The following PRKCZ variants were observed in gnomAD, a reference collection of about 807,000 sequenced individuals.
The protein encoded by PRKCZ is protein kinase C zeta type.
In PRKCZ, 33 loss-of-function variants were observed where a neutral mutation model predicts 79.5. That is an observed-to-expected ratio of 0.41 (90% CI 0.31 to 0.55). The LOEUF (loss-of-function observed/expected upper bound fraction) is 0.55. PRKCZ is among the 20% of genes least tolerant of loss of function. The pLI is 0.19. For synonymous variants in PRKCZ, 342 were observed against 320.9 expected, an observed-to-expected ratio of 1.07 and a Z score of -0.70; for missense variants, 578 against 813.5, an observed-to-expected ratio of 0.71 and a Z score of 3.52.
intron 4 of PRKCZ, among the ~76,000 whole-genome samples, chr1:2,130,516 AC>A (rs1301698213): frequency 6.6e-6 from 1 of 152,094 alleles, no homozygotes; most frequent in Non-Finnish European, 1.5e-5. Flanking sequence ...GAGAGACCAA[AC>A]CAATAGGGTG....
Position 2,184,607 on chromosome 1 carries a change from C to T in PRKCZ, c.1600C>T (p.Pro534Ser). 2 of 1,614,014 alleles carry T rather than the reference C, an allele frequency of 1.2e-6. No individual in the cohort carries two copies. Among genetic ancestry groups the T allele is most frequent in the Non-Finnish European group, 1.7e-6 (2 of 1,179,996 alleles). ...DLLEKKQALP[P>S]FQPQITDDYG... is the part of the protein sequence containing the mutation. The stretch of plus-strand genomic sequence containing the variant: ...GCTGGAGAAGAAGCAGGCGCTCCCT[C>T]CATTCCAGCCACAGATCACAGACGA... The change falls in exon 17 of 18, where the codon CCA becomes TCA. Residue 534 changes from proline to serine, a missense_variant. This residue lies in a region of PRKCZ where 243 missense variants were observed against 467.0 expected (regional missense o/e 0.52). Coordinates refer to ENST00000378567, the MANE Select transcript of PRKCZ (RefSeq NM_002744.6).
Position 2,174,700 on chromosome 1 carries a change from C to G in PRKCZ, c.1406-54C>G, listed in dbSNP as rs991730746. 1 of 1,574,978 alleles carries G rather than the reference C, an allele frequency of 6.3e-7. No homozygotes were observed. ...GCTCAGAGTCAGAGTCTGGGCGGCA[C>G]TGGGCAAATGGCACACAACACAGGC... On this transcript the variant is annotated intron_variant, in intron 14 of 17. Coordinates refer to ENST00000378567, the MANE Select transcript of PRKCZ (RefSeq NM_002744.6). This position sits in a 1 kb window ranked among gnomAD's most constrained non-coding sequence, Gnocchi z 6.2.
intron 16 of PRKCZ, among the ~76,000 whole-genome samples, chr1:2,175,644 C>T (rs1557744257): frequency 6.6e-6 from 1 of 151,780 alleles, no homozygotes; most frequent in Non-Finnish European, 1.5e-5. Context: ...TGAGCTCGCG[C>T]ACCGCCGGGC....
chr1:2,180,366 G>A (rs917494097), intron 16 of PRKCZ, among the ~76,000 whole-genome samples: 7 of 152,196 alleles, frequency 4.6e-5, no homozygotes, highest in Non-Finnish European at 1.0e-4. Context: ...ACACCCAGAC[G>A]ATGTGGACGC....
chr1:2,150,715 A>C (rs375303707), intron 8 of PRKCZ, 75 bp from the exon 9 acceptor site: 72 of 1,446,202 alleles, frequency 5.0e-5, no homozygotes, highest in Admixed American at 1.9e-5. Flanking sequence ...TTGGGACCGC[A>C]TGAGTGATGC....
chr1:2,137,986 G>A lies in PRKCZ; in HGVS notation c.420+2639G>A, dbSNP rs1376773228. On this transcript the variant is annotated intron_variant, in intron 5 of 17. Coordinates refer to ENST00000378567, the MANE Select transcript of PRKCZ (RefSeq NM_002744.6). Reference sequence around the variant, plus strand: ...GGGAGGGCGGCTGCCCTGCAGTTCAGCCTGTCCGATTCCCGCCTAATTGTG... The same window carrying A: ...GGGAGGGCGGCTGCCCTGCAGTTCAACCTGTCCGATTCCCGCCTAATTGTG... 2.0e-5 allele frequency among the ~76,000 whole-genome samples: 3 copies of A among 152,318 alleles called. No homozygotes were observed. In the East Asian group the frequency reaches 5.8e-4, roughly 29 times the overall value.
chr1:2,060,482 C>T (rs1660573154), intron 4 of PRKCZ, among the ~76,000 whole-genome samples: 1 of 109,596 alleles, frequency 9.1e-6, no homozygotes, highest in South Asian at 3.5e-4. Context: ...TTTGGCAGTG[C>T]TTAGCATAGG....
intron 4 of PRKCZ, among the ~76,000 whole-genome samples, chr1:2,088,749 C>G (rs1664967251): frequency 6.6e-6 from 1 of 152,228 alleles, no homozygotes; most frequent in African/African-American, 2.4e-5. Flanking sequence ...GGCGGCGTCT[C>G]TTCACTCACA....
Position 2,058,551 on chromosome 1 carries a change from C to T in PRKCZ, c.284-990C>T, listed in dbSNP as rs183453039. Among the ~76,000 whole-genome samples the T allele has an allele frequency of 3.2e-3, 489 of 152,134 alleles. 2 individuals carry two copies. Among genetic ancestry groups the T allele is most frequent in the Non-Finnish European group, 5.6e-3 (384 of 68,000 alleles). On this transcript the variant is annotated intron_variant, in intron 3 of 17. Coordinates refer to ENST00000378567, the MANE Select transcript of PRKCZ (RefSeq NM_002744.6). Reference sequence around the variant, plus strand: ...TTGTGATAGTAAGCACATTTTGCCTCTCTATGTGGAAAGATACAGTGGCTT... The same window carrying T: ...TTGTGATAGTAAGCACATTTTGCCTTTCTATGTGGAAAGATACAGTGGCTT...
chr1:2,162,430 C>T (rs2103374911), intron 10 of PRKCZ, among the ~76,000 whole-genome samples: 1 of 152,310 alleles, frequency 6.6e-6, no homozygotes, highest in Middle Eastern at 3.4e-3. Context: ...CTGGGCCTGG[C>T]CCGAAACTGG....
rs1571632748 is a variant in PRKCZ, at chr1:2,125,488, C to T, written c.335-9774C>T. 6.6e-6 allele frequency among the ~76,000 whole-genome samples: 1 copy of T among 152,184 alleles called. No individual in the cohort carries two copies. Among genetic ancestry groups the T allele is most frequent in the Non-Finnish European group, 1.5e-5 (1 of 68,032 alleles). Reference sequence around the variant, plus strand: ...GTGGGGCGGAGGACATCCTGGGGGGCCTGGCTTCTTGGGAACTGGAGGCTT... The same window carrying T: ...GTGGGGCGGAGGACATCCTGGGGGGTCTGGCTTCTTGGGAACTGGAGGCTT... On this transcript the variant is annotated intron_variant, in intron 4 of 17. Coordinates refer to ENST00000378567, the MANE Select transcript of PRKCZ (RefSeq NM_002744.6). This position sits in a 1 kb window ranked among gnomAD's most constrained non-coding sequence, Gnocchi z 4.2.
chr1:2,115,449 T>C (rs1271433401), intron 4 of PRKCZ, among the ~76,000 whole-genome samples: 1 of 152,218 alleles, frequency 6.6e-6, no homozygotes, highest in African/African-American at 2.4e-5. Context: ...TGTTTCTGCC[T>C]CCAGTTATGT....
rs762790370 is a variant in PRKCZ, at chr1:2,173,023, C to T, written c.1285+635C>T. ...TGTGCAGCCCTGTGTGCGTGTGTGC[C>T]GTTGGGCTGAGTGTTCGTGTGTCGG... On this transcript the variant is annotated intron_variant, in intron 13 of 17. Transcript: ENST00000378567. The surrounding 1 kb of genome is among the most constrained non-coding windows in gnomAD (Gnocchi z 5.7). Among the ~76,000 whole-genome samples, 9 of 152,102 alleles carry T rather than the reference C, an allele frequency of 5.9e-5. No individual in the cohort carries two copies. Among genetic ancestry groups the T allele is most frequent in the African/African-American group, 1.7e-4 (7 of 41,402 alleles).
chr1:2,179,654 G>A (rs958504235), intron 16 of PRKCZ, among the ~76,000 whole-genome samples: 1 of 152,198 alleles, frequency 6.6e-6, no homozygotes, highest in Non-Finnish European at 1.5e-5. Context: ...GGTGACAGCC[G>A]ATTCTCTTGA....
At chr1:2,077,444 G>A (rs755297658) in intron 4 of PRKCZ, among the ~76,000 whole-genome samples, 7 of 152,176 alleles carry the variant, frequency 4.6e-5, no homozygotes, top group Non-Finnish European at 8.8e-5. Flanking sequence ...GTTCCTCAGC[G>A]AACCTTGATT....
intron 4 of PRKCZ, among the ~76,000 whole-genome samples, chr1:2,095,777 T>C (rs1396103313): frequency 7.8e-6 from 1 of 127,460 alleles, no homozygotes; most frequent in African/African-American, 3.0e-5. Context: ...CCCCTCCTCT[T>C]CCCTCCTCTG....
rs115508654 is a variant in PRKCZ at position 2,128,856 on chromosome 1, G to A, written c.335-6406G>A. The stretch of plus-strand genomic sequence containing the variant: ...GAGACCCTGTTCCACAGAGGTAGCC[G>A]GGGGACTCGCGGTGCCAGGCCCACA... On this transcript the variant is annotated intron_variant, in intron 4 of 17. Transcript: ENST00000378567. This position sits in a 1 kb window ranked among gnomAD's most constrained non-coding sequence, Gnocchi z 6.5. Among the ~76,000 whole-genome samples, 690 of 152,290 alleles carry A rather than the reference G, an allele frequency of 4.5e-3. 3 individuals carry two copies. The highest frequency in any genetic ancestry group is 0.016 in the African/African-American group (650 of 41,558).
rs3107153 is a variant in PRKCZ at position 2,125,296 on chromosome 1, T to C, written c.335-9966T>C. ...CTTTCCACGGAAACTATGAAAATAC[T>C]GGTCAGCCTCTCAGTCATTTCATAA... On this transcript the variant is annotated intron_variant, in intron 4 of 17. Transcript: ENST00000378567. The surrounding 1 kb of genome is among the most constrained non-coding windows in gnomAD (Gnocchi z 4.2). Among the ~76,000 whole-genome samples, 16,388 of 152,288 alleles carry C rather than the reference T, an allele frequency of 0.11. 2,710 individuals are homozygous for C. Among genetic ancestry groups the C allele is most frequent in the African/African-American group, 0.35 (14,618 of 41,510 alleles).
In PRKCZ at chr1:2,172,980, C is replaced by T. The variant is rs1285763601; in HGVS notation, c.1285+592C>T. On this transcript the variant is annotated intron_variant, in intron 13 of 17. Coordinates refer to ENST00000378567, the MANE Select transcript of PRKCZ (RefSeq NM_002744.6). The surrounding 1 kb of genome is among the most constrained non-coding windows in gnomAD (Gnocchi z 7.8). ...TGCAGCCGTGTGTGCGTGTGTGAAA[C>T]GGGGACGTGGGCACGCGTGTGCAGC... is the stretch of plus-strand genomic sequence containing the variant. Among the ~76,000 whole-genome samples the T allele has an allele frequency of 1.3e-5, 2 of 151,566 alleles. No homozygotes were observed. The highest frequency in any genetic ancestry group is 2.4e-5 in the African/African-American group (1 of 41,148).
Sources: gnomAD v4.1 joint callset for allele counts (sites outside exome capture counted in the v4.1 genomes callset) on GRCh38, gnomAD v4.1.1 for gene constraint, gnomAD v4.1.1 regional missense constraint, Gnocchi (gnomAD v3.1) non-coding constraint, MANE v1.5 for transcripts, NCBI Gene and HGNC (gene_info 2026-07-23, HGNC 2026-07-21) for gene names.